SNTG2: variants seen among roughly 807,000 people sequenced by gnomAD.
SNTG2 encodes gamma-2-syntrophin.
SNTG2 carries 74 observed loss-of-function variants against 70.9 expected under a neutral mutation model. That is an observed-to-expected ratio of 1.04 (90% CI 0.86 to 1.27). The LOEUF is 1.27. SNTG2 is among the 50% of genes most tolerant of loss of function. The pLI is 0.00. For synonymous variants in SNTG2, 278 were observed against 273.8 expected, an observed-to-expected ratio of 1.02 and a Z score of -0.15; for missense variants, 717 against 690.7, an observed-to-expected ratio of 1.04 and a Z score of -0.43.
intron 1 of SNTG2, among the ~76,000 whole-genome samples, chr2:962,410 T>C (rs1471507821): frequency 1.3e-5 from 2 of 152,188 alleles, no homozygotes; most frequent in African/African-American, 2.4e-5. Flanking sequence ...AGCATGAGTT[T>C]TGTGGTGACG....
chr2:998,854 A>G (rs1661777931), intron 1 of SNTG2, among the ~76,000 whole-genome samples: 1 of 152,116 alleles, frequency 6.6e-6, no homozygotes, highest in Admixed American at 6.5e-5. Context: ...TCCAAAGACA[A>G]TGTGAAGAAA....
At chr2:1,182,519 G>A (rs530979726) in intron 8 of SNTG2, among the ~76,000 whole-genome samples, 1 of 152,190 alleles carries the variant, frequency 6.6e-6, no homozygotes, top group South Asian at 2.1e-4. Context: ...AAAAGAAAAG[G>A]CAGCTATAAT....
chr2:1,289,495 T>C (rs558488313), intron 14 of SNTG2, among the ~76,000 whole-genome samples: 1 of 152,276 alleles, frequency 6.6e-6, no homozygotes, highest in South Asian at 2.1e-4. Context: ...CATGGCACAC[T>C]TTGTGCACTG....
intron 16 of SNTG2, among the ~76,000 whole-genome samples, chr2:1,320,494 C>A (rs1681469450): frequency 6.9e-6 from 1 of 145,152 alleles, no homozygotes; most frequent in Non-Finnish European, 1.5e-5. Flanking sequence ...ATCATCGCGC[C>A]ACTGTACTCC....
At chr2:985,464 G>T (rs1212871528) in intron 1 of SNTG2, among the ~76,000 whole-genome samples, 1 of 152,082 alleles carries the variant, frequency 6.6e-6, no homozygotes, top group Non-Finnish European at 1.5e-5. Context: ...AAGCTGAGGG[G>T]CCCTGCTAGG....
intron 1 of SNTG2, among the ~76,000 whole-genome samples, chr2:1,065,156 T>C (rs1319167307): frequency 6.6e-6 from 1 of 152,126 alleles, no homozygotes; most frequent in African/African-American, 2.4e-5. Context: ...CAGTATGAGC[T>C]TGAGAAACAG....
intron 16 of SNTG2, among the ~76,000 whole-genome samples, chr2:1,357,001 T>C (rs972709662): frequency 7.2e-5 from 11 of 152,250 alleles, no homozygotes; most frequent in African/African-American, 2.6e-4. Flanking sequence ...GCAACTTTAT[T>C]GTGTGTATCA....
chr2:1,214,844 CATT>C (rs761055685), intron 9 of SNTG2, among the ~76,000 whole-genome samples: 3 of 152,178 alleles, frequency 2.0e-5, no homozygotes, highest in East Asian at 1.9e-4. Flanking sequence ...AGCTTTTCAT[CATT>C]AAGTATGATA....
intron 4 of SNTG2, among the ~76,000 whole-genome samples, chr2:1,109,294 T>G (rs1050244896): frequency 1.3e-5 from 2 of 151,972 alleles, no homozygotes; most frequent in Non-Finnish European, 2.9e-5. Flanking sequence ...CTGGATGGAA[T>G]TTACATGTGG....
chr2:984,200 G>T (rs1256705506), intron 1 of SNTG2, among the ~76,000 whole-genome samples: 1 of 148,458 alleles, frequency 6.7e-6, no homozygotes, highest in African/African-American at 2.5e-5. Flanking sequence ...TTTTGGAGAA[G>T]AAAAATAAGC....
rs138366804 is a variant in SNTG2 at position 1,302,572 on chromosome 2, A to T, written c.1285-5922A>T. Among the ~76,000 whole-genome samples the T allele has an allele frequency of 1.1e-3, 166 of 151,874 alleles. 1 individual carries two copies. The highest frequency in any genetic ancestry group is 3.8e-3 in the African/African-American group (157 of 41,442). On this transcript the variant is annotated intron_variant, in intron 14 of 16. Transcript: ENST00000308624. ...AAAAAAAAAAAAGTTTAAGTAACTT[A>T]CAGTTAGGCAGGAAAAAAAAGAGAA...
At chr2:1,050,125 C>A (rs1348037031) in intron 1 of SNTG2, among the ~76,000 whole-genome samples, 3 of 152,124 alleles carry the variant, frequency 2.0e-5, no homozygotes, top group African/African-American at 7.2e-5. Flanking sequence ...ATATGAGACA[C>A]AAAGATCTGT....
chr2:1,214,347 A>G lies in SNTG2; in HGVS notation c.719+5117A>G, dbSNP rs1674237303. On this transcript the variant is annotated intron_variant, in intron 9 of 16. Transcript: ENST00000308624. ...TGTATATCATTTTAAGTAGTATGGTATCTAAACAACATTAACTCTTCCAAT... is the reference window on the plus strand; with the variant it reads ...TGTATATCATTTTAAGTAGTATGGTGTCTAAACAACATTAACTCTTCCAAT... Among the ~76,000 whole-genome samples, 14 of 152,314 alleles carry G rather than the reference A, an allele frequency of 9.2e-5. No individual in the cohort carries two copies. In the South Asian group the frequency reaches 2.7e-3, roughly 29 times the overall value.
At chr2:1,254,028 A>G (rs1677909220) in intron 12 of SNTG2, among the ~76,000 whole-genome samples, 1 of 152,234 alleles carries the variant, frequency 6.6e-6, no homozygotes, top group South Asian at 2.1e-4. Flanking sequence ...ACCAAAGGGC[A>G]AATCCACCCC....
chr2:1,134,736 C>T lies in SNTG2; in HGVS notation c.326-2886C>T, dbSNP rs1008257298. ...TGCCCCTGCGCCCGCACTCCTCAGC[C>T]ATTGGGTGGTTGATGGGACTGGGCA... On this transcript the variant is annotated intron_variant, in intron 4 of 16. Coordinates refer to ENST00000308624, the MANE Select transcript of SNTG2 (RefSeq NM_018968.4). Among the ~76,000 whole-genome samples the T allele has an allele frequency of 1.5e-4, 23 of 152,300 alleles. 1 individual carries two copies. Among genetic ancestry groups the T allele is most frequent in the African/African-American group, 5.3e-4 (22 of 41,582 alleles).
intron 16 of SNTG2, among the ~76,000 whole-genome samples, chr2:1,357,548 T>A (rs1235016852): frequency 6.6e-6 from 1 of 152,188 alleles, no homozygotes; most frequent in East Asian, 1.9e-4. Context: ...AGTTTGGAAG[T>A]GTTCTGTCCT....
Position 1,250,667 on chromosome 2 carries a change from C to T in SNTG2, c.1005+3224C>T, listed in dbSNP as rs888589993. On this transcript the variant is annotated intron_variant, in intron 12 of 16. Transcript: ENST00000308624. ...CCTTCTCTGCCCTCTTTGCTCCTCT[C>T]GAGGTCTCTCTCTTTCTCCATCTGT... Among the ~76,000 whole-genome samples the T allele has an allele frequency of 2.6e-5, 4 of 151,978 alleles. No homozygotes were observed. The South Asian group carries it at 6.3e-4, about 24-fold the overall frequency.
chr2:1,333,782 T>C (rs1659655610), intron 16 of SNTG2, among the ~76,000 whole-genome samples: 1 of 152,228 alleles, frequency 6.6e-6, no homozygotes, highest in Admixed American at 6.5e-5. Flanking sequence ...TATACAAAAA[T>C]CAACTGAGGA....
chr2:1,011,843 C>T (rs777848111), intron 1 of SNTG2, among the ~76,000 whole-genome samples: 7 of 151,968 alleles, frequency 4.6e-5, no homozygotes, highest in Non-Finnish European at 8.8e-5. Flanking sequence ...TTAGTAGATG[C>T]GTATTAGTAA....
Sources: gnomAD v4.1 joint callset for allele counts (sites outside exome capture counted in the v4.1 genomes callset) on GRCh38, gnomAD v4.1.1 for gene constraint, MANE v1.5 for transcripts, NCBI Gene and HGNC (gene_info 2026-07-23, HGNC 2026-07-21) for gene names.